PAH: variants seen among roughly 807,000 people sequenced by gnomAD.
PAH encodes phenylalanine-4-hydroxylase.
PAH carries 64 observed loss-of-function variants against 62.0 expected under a neutral mutation model. The ratio of observed to expected loss-of-function variants is 1.03; its 90% CI spans 0.84 to 1.27. The LOEUF (loss-of-function observed/expected upper bound fraction) is 1.27. PAH is among the 50% of genes most tolerant of loss of function. The pLI is 0.00. For missense variants in PAH, 579 were observed against 542.8 expected (o/e 1.07, Z -0.66); for synonymous variants, 195 against 196.2 (o/e 0.99, Z 0.05).
At chr12:102,859,189 TA>T in intron 5 of PAH, among the ~76,000 whole-genome samples, 1 of 152,090 alleles carries the variant, frequency 6.6e-6, no homozygotes, top group African/African-American at 2.4e-5. Context: ...AAGAATACTA[TA>T]AACACCTCTA....
At chr12:102,871,938 AAAAAAAAAAAAATATATAT>A (rs1189726104) in intron 4 of PAH, among the ~76,000 whole-genome samples, 22 of 49,866 alleles carry the variant, frequency 4.4e-4, no homozygotes, top group Admixed American at 2.1e-3. Flanking sequence ...AAAAAAAAAA[AAAAAAAAAAAAATATATAT>A]ATATATATAT....
intron 1 of PAH, among the ~76,000 whole-genome samples, chr12:102,939,911 C>T (rs1265947680): frequency 6.6e-6 from 1 of 152,106 alleles, no homozygotes; most frequent in East Asian, 1.9e-4. Context: ...CTGTGGCCAG[C>T]ACTTGACTGG....
intron 10 of PAH, among the ~76,000 whole-genome samples, chr12:102,844,017 T>C (rs1402590696): frequency 2.6e-5 from 4 of 152,116 alleles, no homozygotes; most frequent in Non-Finnish European, 5.9e-5. Context: ...TCAAGTAAGG[T>C]GGTCAATAGA....
intron 1 of PAH, chr12:102,958,140 C>T: frequency 1.3e-6 from 1 of 797,614 alleles, no homozygotes; most frequent in Non-Finnish European, 1.7e-6. Flanking sequence ...CCTTTTCTTT[C>T]CCTCTCTGTT....
At chr12:102,903,545 T>C (rs1340888198) in intron 2 of PAH, among the ~76,000 whole-genome samples, 3 of 152,144 alleles carry the variant, frequency 2.0e-5, no homozygotes, top group South Asian at 4.1e-4. Context: ...GATGAGATCA[T>C]TGAATATCTG....
chr12:102,872,895 G>C (rs1876408079), intron 4 of PAH, among the ~76,000 whole-genome samples: 1 of 152,200 alleles, frequency 6.6e-6, no homozygotes, highest in Non-Finnish European at 1.5e-5. Context: ...TTGAACCCAG[G>C]AGGTGGAGGT....
intron 6 of PAH, 147 bp from the exon 7 acceptor site, chr12:102,853,097 C>T (rs3828474): frequency 9.9e-6 from 8 of 810,984 alleles, no homozygotes; most frequent in South Asian, 5.9e-5. Flanking sequence ...ATGTCTGCCT[C>T]GCTGCTTTCT....
In PAH at chr12:102,894,737, G is replaced by A. The variant is rs281865439; in HGVS notation, c.350C>T (p.Thr117Ile). ...TGCAAAATTCCTCTAATTCTTACCTGTGTCTTTCTTCTTATCTCGTGAAAG... is the reference window on the plus strand; with the variant it reads ...TGCAAAATTCCTCTAATTCTTACCTATGTCTTTCTTCTTATCTCGTGAAAG... ...HELSRDKKKD[T>I]VPWFPRTIQE... is the part of the protein sequence containing the mutation. The change falls in exon 3 of 13, where the codon ACA becomes ATA. Residue 117 changes from threonine (T) to isoleucine (I), a missense_variant and splice_region_variant. Physicochemically the swap from Thr to Ile is moderately conservative, Grantham distance 89. Coordinates refer to ENST00000553106, the MANE Select transcript of PAH (RefSeq NM_000277.3). The A allele has an allele frequency of 2.5e-5, 40 of 1,613,284 alleles. No individual in the cohort carries two copies. Among genetic ancestry groups the A allele is most frequent in the Admixed American group, 1.7e-4 (10 of 59,988 alleles).
intron 8 of PAH, chr12:102,847,385 A>G (rs1190879389): frequency 1.3e-5 from 3 of 235,214 alleles, no homozygotes; most frequent in Non-Finnish European, 2.6e-5. Flanking sequence ...AGGCATATAT[A>G]TAGCTGGAGA....
chr12:102,857,324 G>A lies in PAH; in HGVS notation c.510-1992C>T, dbSNP rs190661585. 1.8e-3 allele frequency among the ~76,000 whole-genome samples: 276 copies of A among 152,322 alleles called. 2 individuals are homozygous for A. Among genetic ancestry groups the A allele is most frequent in the African/African-American group, 6.5e-3 (271 of 41,570 alleles). ...GCCTCCAAGAAATATGGTACTATGT[G>A]AAAAGACCAAATCTACATCTGATCG... On this transcript the variant is annotated intron_variant, in intron 5 of 12. Coordinates refer to ENST00000553106, the MANE Select transcript of PAH (RefSeq NM_000277.3).
intron 4 of PAH, among the ~76,000 whole-genome samples, chr12:102,872,967 A>T (rs145369345): frequency 6.6e-6 from 1 of 152,110 alleles, no homozygotes; most frequent in East Asian, 1.9e-4. Context: ...AAACTCCATT[A>T]AAAAAAACCA....
chr12:102,941,420 A>G (rs1879283228), intron 1 of PAH, among the ~76,000 whole-genome samples: 1 of 152,172 alleles, frequency 6.6e-6, no homozygotes, highest in Non-Finnish European at 1.5e-5. Flanking sequence ...GAACCATCTG[A>G]CATGAATGAC....
intron 4 of PAH, among the ~76,000 whole-genome samples, chr12:102,875,228 A>T (rs1183915121): frequency 6.6e-6 from 1 of 152,180 alleles, no homozygotes; most frequent in East Asian, 1.9e-4. Context: ...CAGGGAGTCA[A>T]AGATGTGGCT....
chr12:102,955,543 C>A (rs555501425), upstream of PAH, among the ~76,000 whole-genome samples: 1 of 152,300 alleles, frequency 6.6e-6, no homozygotes, highest in South Asian at 2.1e-4. Flanking sequence ...CTCCCTCCCA[C>A]CCCCAACACT....
rs1001427746 is a variant in PAH, at chr12:102,846,746, G to A, written c.969+149C>T. The A allele has an allele frequency of 1.3e-5, 9 of 687,738 alleles. No homozygotes were observed. In the Admixed American group the frequency reaches 1.9e-4, roughly 14 times the overall value. 42.6% of individuals were successfully genotyped at this position (687,738 alleles called of 1,614,324 possible). Reference sequence around the variant, plus strand: ...TTATTAAGGAGAAATCTATCAAAATGTGAAGTTTCACTTGTGCAAATGTAA... The same window carrying A: ...TTATTAAGGAGAAATCTATCAAAATATGAAGTTTCACTTGTGCAAATGTAA... On this transcript the variant is annotated intron_variant, in intron 9 of 12. Transcript: ENST00000553106.
At chr12:102,879,853 C>A (rs1361633266) in intron 3 of PAH, among the ~76,000 whole-genome samples, 1 of 152,136 alleles carries the variant, frequency 6.6e-6, no homozygotes, top group African/African-American at 2.4e-5. Flanking sequence ...GTTTCCATGC[C>A]CCTAAAGCAC....
intron 1 of PAH, among the ~76,000 whole-genome samples, chr12:102,948,707 G>T (rs985126179): frequency 1.3e-5 from 2 of 152,172 alleles, no homozygotes; most frequent in Non-Finnish European, 2.9e-5. Flanking sequence ...GAGTAATGGA[G>T]ACTGTCTTAT....
At chr12:102,904,308 C>A (rs1315276005) in intron 2 of PAH, among the ~76,000 whole-genome samples, 1 of 152,164 alleles carries the variant, frequency 6.6e-6, no homozygotes, top group Non-Finnish European at 1.5e-5. Flanking sequence ...CTCAGGACCC[C>A]AAACCTAGGT....
chr12:102,871,373 G>C (rs113994935), intron 4 of PAH, among the ~76,000 whole-genome samples: 1,750 of 152,160 alleles, frequency 0.012, 41 homozygotes, highest in African/African-American at 0.04. Flanking sequence ...CCCACATCAA[G>C]GCCTTCACAC....
Sources: allele counts gnomAD v4.1 joint callset (sites outside exome capture counted in the v4.1 genomes callset), GRCh38; gene constraint gnomAD v4.1.1; transcripts MANE v1.5; gene names NCBI Gene and HGNC (gene_info 2026-07-23, HGNC 2026-07-21).